Variants in LRP1B observed in about 807,000 individuals in gnomAD.
LRP1B encodes the protein low-density lipoprotein receptor-related protein 1B.
A neutral mutation model predicts 556.6 loss-of-function variants in LRP1B; 217 were observed. The ratio of observed to expected loss-of-function variants is 0.39; its 90% confidence interval spans 0.35 to 0.44. The LOEUF is 0.44. LRP1B is among the 20% of genes least tolerant of loss of function. The pLI, the probability that LRP1B is intolerant of heterozygous loss-of-function variation, is 1.00. For missense variants in LRP1B, 5,053 were observed against 5,620.8 expected, an observed-to-expected ratio of 0.90 and a Z score of 3.23; for synonymous variants, 2,047 against 1,865.8, an observed-to-expected ratio of 1.10 and a Z score of -2.50.
chr2:140,893,307 A>G (rs1440530991), intron 23 of LRP1B, among the ~76,000 whole-genome samples: 1 of 152,224 alleles, frequency 6.6e-6, no homozygotes, highest in Non-Finnish European at 1.5e-5. Flanking sequence ...GATATAAAAT[A>G]TTTTGATTCA....
intron 18 of LRP1B, among the ~76,000 whole-genome samples, chr2:140,964,282 C>A (rs865775970): frequency 5.9e-5 from 9 of 152,110 alleles, no homozygotes; most frequent in Non-Finnish European, 7.4e-5. Context: ...GGACTAGGAG[C>A]GTGACCACTG....
intron 3 of LRP1B, among the ~76,000 whole-genome samples, chr2:141,319,047 G>C (rs555005219): frequency 6.6e-6 from 1 of 152,076 alleles, no homozygotes; most frequent in East Asian, 1.9e-4. Flanking sequence ...AATTGTAAGA[G>C]ACCTAAAGTT....
At chr2:140,307,859 C>G (rs1449304158) in intron 83 of LRP1B, among the ~76,000 whole-genome samples, 1 of 151,704 alleles carries the variant, frequency 6.6e-6, no homozygotes, top group Non-Finnish European at 1.5e-5. Context: ...TAGATCACAT[C>G]TGAAAAATGC....
chr2:140,930,193 G>T (rs973721427), intron 20 of LRP1B, among the ~76,000 whole-genome samples: 4 of 152,180 alleles, frequency 2.6e-5, no homozygotes, highest in Admixed American at 6.6e-5. Context: ...CAATTTATAT[G>T]TATATGTGCA....
At chr2:140,370,916 G>C (rs2105165848) in intron 70 of LRP1B, 74 bp from the exon 71 acceptor site, 4 of 1,475,972 alleles carry the variant, frequency 2.7e-6, no homozygotes, top group Non-Finnish European at 1.9e-6. Context: ...TAAACATGCA[G>C]CTTGTAATAC....
At chr2:141,667,434 A>T (rs772992825) in intron 2 of LRP1B, among the ~76,000 whole-genome samples, 1 of 152,192 alleles carries the variant, frequency 6.6e-6, no homozygotes, top group Non-Finnish European at 1.5e-5. Context: ...AAACAATATC[A>T]CTTGACAAAA....
At chr2:142,018,206 TAAC>T (rs1354934394) in intron 1 of LRP1B, among the ~76,000 whole-genome samples, 2 of 152,212 alleles carry the variant, frequency 1.3e-5, no homozygotes. Context: ...GTGCCCATAA[TAAC>T]ATTATTGTCA....
At chr2:140,518,359 C>A (rs1004228078) in intron 49 of LRP1B, among the ~76,000 whole-genome samples, 1 of 152,106 alleles carries the variant, frequency 6.6e-6, no homozygotes, top group Non-Finnish European at 1.5e-5. Flanking sequence ...CATAAGCCTG[C>A]ATGCATGTCC....
chr2:141,809,206 C>A (rs942236002), intron 2 of LRP1B, among the ~76,000 whole-genome samples: 14 of 152,034 alleles, frequency 9.2e-5, no homozygotes, highest in African/African-American at 3.4e-4. Flanking sequence ...CAGGTATTCA[C>A]CTTTTGAGAA....
intron 32 of LRP1B, among the ~76,000 whole-genome samples, chr2:140,813,255 G>A (rs1690990930): frequency 6.6e-6 from 1 of 152,090 alleles, no homozygotes; most frequent in Non-Finnish European, 1.5e-5. Flanking sequence ...GGACCCTGTT[G>A]TCTTGTCTTT....
chr2:140,585,042 AAAAC>A (rs1268206735), intron 43 of LRP1B, among the ~76,000 whole-genome samples: 6 of 152,126 alleles, frequency 3.9e-5, no homozygotes, highest in African/African-American at 1.4e-4. Flanking sequence ...ACAAAGATGA[AAAAC>A]AAATTGCCTT....
intron 83 of LRP1B, among the ~76,000 whole-genome samples, chr2:140,308,954 A>G (rs569814063): frequency 1.3e-4 from 20 of 151,896 alleles, no homozygotes; most frequent in African/African-American, 4.3e-4. Flanking sequence ...TGCAATAGAA[A>G]AGCCTATCTC....
intron 25 of LRP1B, among the ~76,000 whole-genome samples, chr2:140,870,695 A>G (rs1693102172): frequency 6.6e-6 from 1 of 152,178 alleles, no homozygotes; most frequent in African/African-American, 2.4e-5. Context: ...TGGTAAAAAA[A>G]TAAATTTTCT....
At chr2:141,388,994 C>T (rs954062185) in intron 3 of LRP1B, among the ~76,000 whole-genome samples, 2 of 151,942 alleles carry the variant, frequency 1.3e-5, no homozygotes, top group Non-Finnish European at 2.9e-5. Context: ...AAATGTAAGA[C>T]CTAAATAAAT....
At chr2:140,414,204 C>T (rs75715565) in intron 66 of LRP1B, among the ~76,000 whole-genome samples, 1,982 of 152,280 alleles carry the variant, frequency 0.013, 25 homozygotes, top group Non-Finnish European at 0.021. Flanking sequence ...GCATGCACCA[C>T]CACACAGGGC....
chr2:140,838,612 A>G (rs1691996246), intron 31 of LRP1B, among the ~76,000 whole-genome samples: 1 of 152,166 alleles, frequency 6.6e-6, no homozygotes, highest in Non-Finnish European at 1.5e-5. Flanking sequence ...CTAAGAAAAA[A>G]TCGACAAGCT....
chr2:141,987,531 G>T (rs1702227975), intron 1 of LRP1B, among the ~76,000 whole-genome samples: 1 of 149,882 alleles, frequency 6.7e-6, no homozygotes, highest in Non-Finnish European at 1.5e-5. Flanking sequence ...AAAACCGGTT[G>T]GGATGCTGAT....
At chr2:140,884,900 G>A (rs965139078) in intron 24 of LRP1B, among the ~76,000 whole-genome samples, 8 of 152,080 alleles carry the variant, frequency 5.3e-5, no homozygotes, top group Non-Finnish European at 1.2e-4. Context: ...TTTTGGTAGA[G>A]ATGGGGTTTT....
intron 1 of LRP1B, among the ~76,000 whole-genome samples, chr2:142,048,040 G>A (rs1306468182): frequency 6.8e-6 from 1 of 147,452 alleles, no homozygotes; most frequent in African/African-American, 2.5e-5. Flanking sequence ...TCAAAATCCA[G>A]ACTTTCCACT....
Sources: allele counts gnomAD v4.1 joint callset (sites outside exome capture counted in the v4.1 genomes callset), GRCh38; gene constraint gnomAD v4.1.1; transcripts MANE v1.5; gene names NCBI Gene and HGNC (gene_info 2026-07-23, HGNC 2026-07-21).